The following GALNTL6 variants were observed in gnomAD, a reference collection of about 807,000 sequenced individuals.
GALNTL6 encodes the protein polypeptide N-acetylgalactosaminyltransferase like 6.
GALNTL6 carries 46 observed loss-of-function variants against 73.7 expected under a neutral mutation model. That is an observed-to-expected ratio of 0.62 (90% CI 0.49 to 0.80). The LOEUF (loss-of-function observed/expected upper bound fraction) is 0.80. GALNTL6 is among the 30% of genes least tolerant of loss of function. The probability of loss-of-function intolerance (pLI) is 0.00; values close to 1 mark genes in which losing one functional copy is unlikely to be tolerated. For synonymous variants in GALNTL6, 259 were observed against 263.7 expected, an observed-to-expected ratio of 0.98 and a Z score of 0.17; for missense variants, 604 against 755.0, an observed-to-expected ratio of 0.80 and a Z score of 2.34.
chr4:172,425,865 G>A (rs1193265372), intron 5 of GALNTL6, among the ~76,000 whole-genome samples: 1 of 151,978 alleles, frequency 6.6e-6, no homozygotes, highest in East Asian at 1.9e-4. Context: ...TTAGATGAAA[G>A]CCTAAAAATA....
chr4:172,675,598 TG>T (rs1208665710), intron 5 of GALNTL6, among the ~76,000 whole-genome samples: 2 of 152,162 alleles, frequency 1.3e-5, no homozygotes, highest in African/African-American at 4.8e-5. Flanking sequence ...TAATAGACCA[TG>T]CAATTAAAAC....
chr4:172,851,464 A>G (rs533847981), intron 7 of GALNTL6, among the ~76,000 whole-genome samples: 1 of 152,202 alleles, frequency 6.6e-6, no homozygotes, highest in South Asian at 2.1e-4. Context: ...ACGCATATAT[A>G]CATATATATA....
chr4:172,636,942 A>T (rs1042502416), intron 5 of GALNTL6, among the ~76,000 whole-genome samples: 1 of 152,238 alleles, frequency 6.6e-6, no homozygotes, highest in Admixed American at 6.5e-5. Flanking sequence ...TACATATATT[A>T]TATGGGAAGA....
intron 12 of GALNTL6, among the ~76,000 whole-genome samples, chr4:173,022,197 A>G (rs896479603): frequency 1.6e-5 from 2 of 126,180 alleles, no homozygotes; most frequent in Non-Finnish European, 3.2e-5. Flanking sequence ...GGGAGGAAGG[A>G]AGGAAGGAAG....
chr4:172,991,685 G>T (rs1233304350), intron 10 of GALNTL6, among the ~76,000 whole-genome samples: 1 of 152,034 alleles, frequency 6.6e-6, no homozygotes, highest in East Asian at 1.9e-4. Context: ...TAGGATTATG[G>T]GCATGAGCCA....
At chr4:171,955,444 C>A (rs1189457212) in intron 2 of GALNTL6, among the ~76,000 whole-genome samples, 5 of 151,828 alleles carry the variant, frequency 3.3e-5, no homozygotes, top group African/African-American at 1.2e-4. Context: ...GAAAGATTGG[C>A]TCCAGGACTC....
intron 5 of GALNTL6, among the ~76,000 whole-genome samples, chr4:172,542,881 A>T (rs972409067): frequency 2.7e-4 from 41 of 152,178 alleles, no homozygotes; most frequent in African/African-American, 9.4e-4. Flanking sequence ...TCACAAGGTC[A>T]TGAGTTAGAG....
intron 5 of GALNTL6, among the ~76,000 whole-genome samples, chr4:172,711,565 G>A (rs1049914430): frequency 1.3e-5 from 2 of 152,180 alleles, no homozygotes; most frequent in African/African-American, 4.8e-5. Flanking sequence ...TAGGGTTCCA[G>A]GATGATTCCA....
At chr4:172,015,922 G>T (rs1741177240) in intron 2 of GALNTL6, among the ~76,000 whole-genome samples, 1 of 102,442 alleles carries the variant, frequency 9.8e-6, no homozygotes. Flanking sequence ...AATCTAATAG[G>T]ATTTTTTTTT....
intron 8 of GALNTL6, among the ~76,000 whole-genome samples, chr4:172,888,988 T>A (rs1301197347): frequency 9.2e-5 from 14 of 152,140 alleles, no homozygotes; most frequent in Non-Finnish European, 1.9e-4. Context: ...CCTTGGTTAG[T>A]GTGGTCCTAC....
chr4:172,820,336 G>A (rs1741852762), intron 7 of GALNTL6, among the ~76,000 whole-genome samples: 1 of 152,246 alleles, frequency 6.6e-6, no homozygotes, highest in African/African-American at 2.4e-5. Context: ...CAAAATTTTA[G>A]CATCCCACTT....
chr4:172,302,528 A>AT (rs1367787350), intron 3 of GALNTL6, among the ~76,000 whole-genome samples: 19 of 152,054 alleles, frequency 1.2e-4, no homozygotes, highest in Admixed American at 6.6e-4. Flanking sequence ...CCTTGCTAAT[A>AT]TTTTTTAAGG....
At chr4:172,500,675 GT>G (rs76015022) in intron 5 of GALNTL6, among the ~76,000 whole-genome samples, 115 of 145,182 alleles carry the variant, frequency 7.9e-4, no homozygotes, top group South Asian at 1.3e-3. Flanking sequence ...GCTTAAGGAA[GT>G]TTTTTTTTTT....
chr4:172,416,985 T>C (rs1309688962), intron 5 of GALNTL6, among the ~76,000 whole-genome samples: 1 of 152,188 alleles, frequency 6.6e-6, no homozygotes, highest in African/African-American at 2.4e-5. Context: ...CTTATAATTG[T>C]TTGCAGTCAC....
chr4:172,951,200 C>T (rs1003112922), intron 9 of GALNTL6, among the ~76,000 whole-genome samples: 7 of 152,312 alleles, frequency 4.6e-5, no homozygotes, highest in East Asian at 3.9e-4. Flanking sequence ...AAGTGCTTTA[C>T]GGGTGTTGCC....
At chr4:172,937,348 T>C (rs1260326201) in intron 9 of GALNTL6, among the ~76,000 whole-genome samples, 1 of 151,766 alleles carries the variant, frequency 6.6e-6, no homozygotes, top group Non-Finnish European at 1.5e-5. Context: ...GAGGTGGGGC[T>C]CACATGTGAC....
At chr4:172,936,216 G>A (rs558256332) in intron 9 of GALNTL6, among the ~76,000 whole-genome samples, 5 of 152,216 alleles carry the variant, frequency 3.3e-5, no homozygotes, top group South Asian at 2.1e-4. Flanking sequence ...AAAGGCCTTC[G>A]ACAAAATTCA....
chr4:173,030,003 A>G (rs935391790), intron 12 of GALNTL6, among the ~76,000 whole-genome samples: 1 of 152,240 alleles, frequency 6.6e-6, no homozygotes, highest in Non-Finnish European at 1.5e-5. Flanking sequence ...AAGTTACTCA[A>G]CCAGATAAAA....
chr4:172,193,605 G>T (rs191712735), intron 2 of GALNTL6, among the ~76,000 whole-genome samples: 3,422 of 152,306 alleles, frequency 0.022, 44 homozygotes, highest in Non-Finnish European at 0.032. Context: ...GCTCATGCCT[G>T]TAATCCCAGC....
Sources: allele counts gnomAD v4.1 joint callset (sites outside exome capture counted in the v4.1 genomes callset), GRCh38; gene constraint gnomAD v4.1.1; transcripts MANE v1.5; gene names NCBI Gene and HGNC (gene_info 2026-07-23, HGNC 2026-07-21).